Variants in MME observed in about 807,000 individuals in gnomAD.
MME encodes the protein neprilysin.
A neutral mutation model predicts 113.2 loss-of-function variants in MME; 98 were observed. The ratio of observed to expected loss-of-function variants is 0.87; its 90% CI spans 0.74 to 1.02. The LOEUF is 1.02. Among genes scored for constraint, MME ranks in the 50% least tolerant of loss-of-function variants. MME has a pLI of 0.00. For missense variants in MME, 836 were observed against 896.0 expected (o/e 0.93, Z 0.86); for synonymous variants, 292 against 300.6 (o/e 0.97, Z 0.30).
At chr3:155,047,538 G>A (rs1450891469) in intron 1 of MME, among the ~76,000 whole-genome samples, 1 of 152,122 alleles carries the variant, frequency 6.6e-6, no homozygotes, top group Non-Finnish European at 1.5e-5. Flanking sequence ...TTTTTAAAAA[G>A]ACAAGTCTCT....
Position 155,118,768 on chromosome 3 carries a change from T to C in MME, c.677T>C (p.Leu226Pro), listed in dbSNP as rs781375769. The change falls in exon 8 of 23, where the codon CTC becomes CCC. Residue 226 changes from leucine (L) to proline (P), a missense_variant. Physicochemically the swap from Leu to Pro is moderately conservative, Grantham distance 98 (BLOSUM62 -3). Transcript: ENST00000360490. ...TAGATTGACCAACCTCGACTTGGCC[T>C]CCCTTCTAGAGATTACTATGAATGC... is the stretch of plus-strand genomic sequence containing the variant. ...VIHIDQPRLG[L>P]PSRDYYECTG... 2 of 1,602,896 alleles carry C rather than the reference T, an allele frequency of 1.2e-6. No individual in the cohort carries two copies. Among genetic ancestry groups the C allele is most frequent in the Non-Finnish European group, 8.5e-7 (1 of 1,171,388 alleles).
chr3:155,106,503 G>A (rs1717701578), intron 3 of MME, among the ~76,000 whole-genome samples: 1 of 152,164 alleles, frequency 6.6e-6, no homozygotes, highest in East Asian at 1.9e-4. Context: ...CTACGTGCTT[G>A]CTAGTTTTCA....
chr3:155,079,639 T>TGGGGGGTCGGGGGGGG (rs1253428536), upstream of MME: 1 of 89,842 alleles, frequency 1.1e-5, no homozygotes, highest in African/African-American at 5.1e-5. Flanking sequence ...GTGGGGGGGG[T>TGGGGGGTCGGGGGGGG]GGGCCGTGAG....
intron 8 of MME, among the ~76,000 whole-genome samples, chr3:155,122,255 G>A (rs1291356955): frequency 1.3e-5 from 2 of 151,996 alleles, no homozygotes; most frequent in Non-Finnish European, 2.9e-5. Flanking sequence ...TGTAGGATCG[G>A]TGGTGATATC....
chr3:155,179,937 A>G (rs1355832651), intron 22 of MME, among the ~76,000 whole-genome samples: 1 of 152,242 alleles, frequency 6.6e-6, no homozygotes, highest in African/African-American at 2.4e-5. Context: ...ATAGTGAGAA[A>G]TCATGATTAT....
intron 8 of MME, among the ~76,000 whole-genome samples, chr3:155,131,765 G>A (rs1344175262): frequency 1.3e-5 from 2 of 152,112 alleles, no homozygotes; most frequent in African/African-American, 4.8e-5. Context: ...TTTATTTCCA[G>A]TGCCCAGAAA....
chr3:155,116,454 C>A (rs753688812), intron 4 of MME, 25 bp from the exon 5 acceptor site: 13 of 1,486,732 alleles, frequency 8.7e-6, no homozygotes, highest in African/African-American at 1.4e-5. Flanking sequence ...TATGTTGATG[C>A]ATTTTATTAA....
At chr3:155,112,024 C>T (rs937955098) in intron 3 of MME, among the ~76,000 whole-genome samples, 2 of 130,898 alleles carry the variant, frequency 1.5e-5, no homozygotes, top group South Asian at 6.0e-4. Context: ...CTTCAAAATT[C>T]GAGGGAATTG....
intron 16 of MME, among the ~76,000 whole-genome samples, chr3:155,159,193 C>T (rs927389413): frequency 2.6e-5 from 4 of 151,944 alleles, no homozygotes; most frequent in Admixed American, 1.3e-4. Context: ...GTAACTAAAG[C>T]AACATTGTAA....
At chr3:155,036,820 C>T (rs534077848) in intron 1 of MME, among the ~76,000 whole-genome samples, 1 of 152,138 alleles carries the variant, frequency 6.6e-6, no homozygotes, top group East Asian at 1.9e-4. Flanking sequence ...TTTACCTATC[C>T]TAAGGTTGTA....
chr3:155,125,281 CACGGTGCGT>C (rs1719536139), intron 8 of MME, among the ~76,000 whole-genome samples: 3 of 121,306 alleles, frequency 2.5e-5, no homozygotes, highest in Non-Finnish European at 3.7e-5. Flanking sequence ...TCGGCTCACG[CACGGTGCGT>C]GCACCCACTG....
intron 3 of MME, among the ~76,000 whole-genome samples, chr3:155,086,744 A>T (rs1715761065): frequency 6.6e-6 from 1 of 152,150 alleles, no homozygotes; most frequent in South Asian, 2.1e-4. Context: ...TATGTGTCTT[A>T]TAAGAAATAA....
intron 1 of MME, among the ~76,000 whole-genome samples, chr3:155,060,897 C>T (rs1190211969): frequency 2.0e-5 from 3 of 151,926 alleles, no homozygotes; most frequent in Non-Finnish European, 1.5e-5. Flanking sequence ...TTCTCTTTCT[C>T]TTCTTATAAG....
At chr3:155,124,482 G>A (rs1251807192) in intron 8 of MME, among the ~76,000 whole-genome samples, 1 of 152,156 alleles carries the variant, frequency 6.6e-6, no homozygotes, top group African/African-American at 2.4e-5. Flanking sequence ...TCCTTTGGAG[G>A]AGGAGAGACG....
chr3:155,077,473 TA>T (rs368407152), upstream of MME, among the ~76,000 whole-genome samples: 22 of 152,264 alleles, frequency 1.4e-4, no homozygotes, highest in Admixed American at 4.6e-4. Context: ...TAAGATCCCT[TA>T]AAAAAATTAT....
chr3:155,087,873 A>G (rs953488253), intron 3 of MME, among the ~76,000 whole-genome samples: 5 of 152,184 alleles, frequency 3.3e-5, no homozygotes, highest in African/African-American at 4.8e-5. Flanking sequence ...ATGTGACTTA[A>G]TGTTTAGAGA....
At chr3:155,117,301 T>C (rs1718705491) in intron 7 of MME, among the ~76,000 whole-genome samples, 1 of 152,178 alleles carries the variant, frequency 6.6e-6, no homozygotes, top group African/African-American at 2.4e-5. Flanking sequence ...GTATAGTACT[T>C]GAAAGGAGCA....
Position 155,146,958 on chromosome 3 carries a change from T to C in MME, c.1417-186T>C, listed in dbSNP as rs78176145. Reference sequence around the variant, plus strand: ...GGCATTAGAAACTCAATTTCAGACCTGATTTTCATTTATTCTTGAACCTCC... The same window carrying C: ...GGCATTAGAAACTCAATTTCAGACCCGATTTTCATTTATTCTTGAACCTCC... On this transcript the variant is annotated intron_variant, in intron 14 of 22. Transcript: ENST00000360490. Among the ~76,000 whole-genome samples, 1,443 of 152,278 alleles carry C rather than the reference T, an allele frequency of 9.5e-3. 16 individuals carry two copies. The highest frequency in any genetic ancestry group is 0.032 in the African/African-American group (1,342 of 41,562).
intron 20 of MME, among the ~76,000 whole-genome samples, chr3:155,171,579 G>A (rs1711976671): frequency 1.3e-5 from 2 of 152,106 alleles, no homozygotes; most frequent in Admixed American, 6.6e-5. Context: ...AGTCCATTTT[G>A]TCCTGTCTTC....
Sources: allele counts gnomAD v4.1 joint callset (sites outside exome capture counted in the v4.1 genomes callset), GRCh38; gene constraint gnomAD v4.1.1; transcripts MANE v1.5; gene names NCBI Gene and HGNC (gene_info 2026-07-23, HGNC 2026-07-21).